Variants in OSBPL8 observed in about 807,000 individuals in gnomAD.
OSBPL8 encodes the protein oxysterol binding protein like 8.
In OSBPL8, 59 loss-of-function variants were observed where a neutral mutation model predicts 125.5. That is an observed-to-expected ratio of 0.47 (90% CI 0.38 to 0.58). The LOEUF (loss-of-function observed/expected upper bound fraction) is 0.58, where lower values mean the gene tolerates loss of function less well. Among genes scored for constraint, OSBPL8 ranks in the 20% least tolerant of loss-of-function variants. The probability of loss-of-function intolerance (pLI) is 0.00; values close to 1 mark genes in which losing one functional copy is unlikely to be tolerated. For missense variants in OSBPL8, 758 were observed against 1,047.8 expected, an observed-to-expected ratio of 0.72 and a Z score of 3.82; for synonymous variants, 330 against 338.9, an observed-to-expected ratio of 0.97 and a Z score of 0.29.
At chr12:76,397,657 T>A (rs760683349) in intron 8 of OSBPL8, 37 bp downstream of exon 8, 1 of 1,574,632 alleles carries the variant, frequency 6.4e-7, no homozygotes, top group East Asian at 2.3e-5. Context: ...TGGATTATCA[T>A]CTTTACCTTT....
chr12:76,485,680 T>G (rs1313218501), intron 2 of OSBPL8, among the ~76,000 whole-genome samples: 1 of 152,232 alleles, frequency 6.6e-6, no homozygotes, highest in Admixed American at 6.5e-5. Context: ...GTAGTCAACA[T>G]CTTAGTAGTA....
rs71082308 is a variant in OSBPL8 at position 76,435,155 on chromosome 12, C to CGTGTGTGTGTGTGT, written c.217+15682_217+15695dup. ...ACTGAGGTGTTTGTGTATATATCTA[C>CGTGTGTGTGTGTGT]GTGTGTGTGTGTGTGTGTGTGTGTG... On this transcript the variant is annotated intron_variant, in intron 4 of 23. Transcript: ENST00000261183. Among the ~76,000 whole-genome samples the CGTGTGTGTGTGTGT allele has an allele frequency of 3.3e-4, 48 of 146,550 alleles. 1 individual carries two copies. The highest frequency in any genetic ancestry group is 1.1e-3 in the African/African-American group (45 of 40,248).
At chr12:76,461,539 C>T (rs1444071547) in intron 2 of OSBPL8, among the ~76,000 whole-genome samples, 1 of 151,102 alleles carries the variant, frequency 6.6e-6, no homozygotes, top group Non-Finnish European at 1.5e-5. Context: ...CAATCTCCAC[C>T]TCCCGGGTTC....
chr12:76,366,151 G>C (rs1338087035), intron 21 of OSBPL8, among the ~76,000 whole-genome samples: 1 of 152,178 alleles, frequency 6.6e-6, no homozygotes, highest in Non-Finnish European at 1.5e-5. Context: ...AGTTTGAGAA[G>C]GATTTGTGCT....
At chr12:76,439,533 G>A (rs1216449595) in intron 4 of OSBPL8, among the ~76,000 whole-genome samples, 12 of 152,120 alleles carry the variant, frequency 7.9e-5, no homozygotes, top group Non-Finnish European at 1.0e-4. Flanking sequence ...TGCTTGGGGG[G>A]AGAGTGTTTT....
chr12:76,553,068 T>C (rs1488268975), intron 1 of OSBPL8, among the ~76,000 whole-genome samples: 1 of 152,166 alleles, frequency 6.6e-6, no homozygotes, highest in Non-Finnish European at 1.5e-5. Context: ...ACTCTCCACT[T>C]GAACAATGTA....
intron 21 of OSBPL8, among the ~76,000 whole-genome samples, chr12:76,368,856 C>T (rs1952514492): frequency 6.6e-6 from 1 of 152,090 alleles, no homozygotes; most frequent in Admixed American, 6.6e-5. Context: ...CCACTCTGCT[C>T]CTTCTGGAAC....
At chr12:76,405,304 A>G (rs1167092906) in intron 5 of OSBPL8, among the ~76,000 whole-genome samples, 1 of 152,004 alleles carries the variant, frequency 6.6e-6, no homozygotes, top group African/African-American at 2.4e-5. Context: ...ATGAAAAATA[A>G]AAAAATTAGC....
chr12:76,532,845 C>T (rs1014567893), intron 1 of OSBPL8, among the ~76,000 whole-genome samples: 1 of 152,132 alleles, frequency 6.6e-6, no homozygotes, highest in African/African-American at 2.4e-5. Flanking sequence ...GGGGGCTCCA[C>T]AAAGATTGTT....
intron 21 of OSBPL8, among the ~76,000 whole-genome samples, chr12:76,361,183 G>A (rs1267362901): frequency 1.3e-5 from 2 of 152,110 alleles, no homozygotes; most frequent in Non-Finnish European, 2.9e-5. Flanking sequence ...TCAATGTCTT[G>A]CTGCTTAGAA....
intron 1 of OSBPL8, among the ~76,000 whole-genome samples, chr12:76,502,371 C>A (rs1879992118): frequency 6.6e-6 from 1 of 152,184 alleles, no homozygotes; most frequent in Non-Finnish European, 1.5e-5. Context: ...GGAGACACAG[C>A]AATGATTCCA....
chr12:76,554,656 C>T (rs967858847), intron 1 of OSBPL8, among the ~76,000 whole-genome samples: 13 of 152,156 alleles, frequency 8.5e-5, no homozygotes, highest in Non-Finnish European at 1.6e-4. Context: ...TAGCAGTTGA[C>T]GCACATTAGC....
At chr12:76,366,374 T>G (rs1267333289) in intron 21 of OSBPL8, among the ~76,000 whole-genome samples, 2 of 152,248 alleles carry the variant, frequency 1.3e-5, no homozygotes, top group Non-Finnish European at 2.9e-5. Context: ...TATTTCTTTA[T>G]GATTGGTAGT....
chr12:76,499,437 A>C (rs1402259182), intron 1 of OSBPL8, among the ~76,000 whole-genome samples: 1 of 152,064 alleles, frequency 6.6e-6, no homozygotes, highest in Non-Finnish European at 1.5e-5. Context: ...CATGTTGCCC[A>C]GGCTGGTCTT....
At chr12:76,508,979 C>A (rs370469871) in intron 1 of OSBPL8, among the ~76,000 whole-genome samples, 1 of 152,198 alleles carries the variant, frequency 6.6e-6, no homozygotes, top group Non-Finnish European at 1.5e-5. Flanking sequence ...CCTTTACTTT[C>A]TTAATAAACT....
At chr12:76,435,171 T>TGTGTGC (rs1871302686) in intron 4 of OSBPL8, among the ~76,000 whole-genome samples, 1 of 151,926 alleles carries the variant, frequency 6.6e-6, no homozygotes, top group Non-Finnish European at 1.5e-5. Context: ...TGTGTGTGTG[T>TGTGTGC]GTGTGTGTGT....
chr12:76,481,596 G>A (rs1457706450), intron 2 of OSBPL8, among the ~76,000 whole-genome samples: 2 of 151,956 alleles, frequency 1.3e-5, no homozygotes, highest in East Asian at 3.9e-4. Flanking sequence ...CACGACTACA[G>A]TCCAGCCTGG....
chr12:76,429,056 C>T (rs996147665), intron 4 of OSBPL8, among the ~76,000 whole-genome samples: 4 of 151,972 alleles, frequency 2.6e-5, no homozygotes, highest in African/African-American at 7.3e-5. Context: ...GCAAATTATA[C>T]CAAGCAATCT....
intron 14 of OSBPL8, among the ~76,000 whole-genome samples, chr12:76,384,574 T>C (rs1953217688): frequency 6.6e-6 from 1 of 152,110 alleles, no homozygotes; most frequent in African/African-American, 2.4e-5. Context: ...AGGCCCCTCT[T>C]ATATTGTACT....
Sources: gnomAD v4.1 joint callset for allele counts (sites outside exome capture counted in the v4.1 genomes callset) on GRCh38, gnomAD v4.1.1 for gene constraint, MANE v1.5 for transcripts, NCBI Gene and HGNC (gene_info 2026-07-23, HGNC 2026-07-21) for gene names.